The following HECA variants were observed in gnomAD, a reference collection of about 807,000 sequenced individuals.
The protein encoded by HECA is HECA ribonucleoprotein granule regulator.
In HECA, 13 loss-of-function variants were observed where a neutral mutation model predicts 37.6. That is an observed-to-expected ratio of 0.35 (90% CI 0.23 to 0.55). HECA has a LOEUF of 0.55. Ranked by LOEUF, HECA falls within the 20% of genes least tolerant of loss-of-function variation. The pLI is 0.90. For missense variants in HECA, 527 were observed against 701.9 expected (o/e 0.75, Z 2.82); for synonymous variants, 307 against 291.5 (o/e 1.05, Z -0.54).
chr6:139,147,155 C>G (rs1382382444), intron 1 of HECA, among the ~76,000 whole-genome samples: 5 of 152,138 alleles, frequency 3.3e-5, no homozygotes, highest in South Asian at 4.1e-4. Flanking sequence ...GGAAGTGTGC[C>G]TGACCCCCAT....
At position 139,167,191 on chromosome 6, in the gene HECA, A is replaced by T. The variant is rs1275612796; in HGVS notation, c.1179A>T (p.Arg393Ser). The T allele has an allele frequency of 1.2e-6, 2 of 1,614,034 alleles. No individual in the cohort carries two copies. The highest frequency in any genetic ancestry group is 2.7e-5 in the African/African-American group (2 of 74,906). The change falls in exon 2 of 4, where the codon AGA (arginine) becomes AGT (serine). Residue 393 changes from arginine to serine, a missense_variant. Physicochemically the swap from Arg to Ser is moderately radical, Grantham distance 110. This residue lies in a region of HECA where 106 missense variants were observed against 193.4 expected (regional missense o/e 0.55). Transcript: ENST00000367658. ...TGGCCGCGCTCAGTGCCAGCCACAGAAACGTGGTAAACTGTGCCCTGTGCC... is the reference window on the plus strand; with the variant it reads ...TGGCCGCGCTCAGTGCCAGCCACAGTAACGTGGTAAACTGTGCCCTGTGCC... ...FILAALSASH[R>S]NVVNCALCHR...
At chr6:139,159,071 C>G (rs1774759265) in intron 1 of HECA, 1 of 151,696 alleles carries the variant, frequency 6.6e-6, no homozygotes, top group Non-Finnish European at 1.5e-5. Context: ...GAAACTCCCT[C>G]TCAAAAAAAA....
intron 1 of HECA, among the ~76,000 whole-genome samples, chr6:139,156,731 C>T (rs1232239553): frequency 1.3e-5 from 2 of 152,208 alleles, no homozygotes; most frequent in Non-Finnish European, 2.9e-5. Context: ...TGTCTGTGTT[C>T]TGAGTGTGCA....
chr6:139,152,772 T>C (rs1030767286), intron 1 of HECA, among the ~76,000 whole-genome samples: 11 of 152,344 alleles, frequency 7.2e-5, no homozygotes, highest in Non-Finnish European at 1.3e-4. Flanking sequence ...CTTAAAAATA[T>C]TTGAGGAAAT....
At chr6:139,151,686 G>A (rs928142981) in intron 1 of HECA, among the ~76,000 whole-genome samples, 3 of 152,176 alleles carry the variant, frequency 2.0e-5, no homozygotes, top group African/African-American at 4.8e-5. Context: ...CTTTTTTAAC[G>A]TGGTCACTTA....
intron 1 of HECA, among the ~76,000 whole-genome samples, chr6:139,163,145 G>T (rs1304694798): frequency 6.6e-6 from 1 of 152,194 alleles, no homozygotes; most frequent in Admixed American, 6.5e-5. Flanking sequence ...AACTCGGGGT[G>T]ATTTTACCCC....
intron 1 of HECA, among the ~76,000 whole-genome samples, chr6:139,151,544 T>G (rs1302767177): frequency 1.3e-5 from 2 of 152,210 alleles, no homozygotes; most frequent in Non-Finnish European, 2.9e-5. Flanking sequence ...TTTACATTCT[T>G]TCAAAGGAAA....
chr6:139,135,930 C>T (rs1304692444), intron 1 of HECA, among the ~76,000 whole-genome samples: 2 of 151,884 alleles, frequency 1.3e-5, no homozygotes, highest in African/African-American at 4.8e-5. Flanking sequence ...CAGCGCTGCC[C>T]TCGGGCCCAG....
At chr6:139,141,378 T>C (rs1774510768) in intron 1 of HECA, among the ~76,000 whole-genome samples, 1 of 152,254 alleles carries the variant, frequency 6.6e-6, no homozygotes, top group South Asian at 2.1e-4. Context: ...GTGGACATTT[T>C]AGCAGAGCAG....
chr6:139,151,838 G>A (rs879007521), intron 1 of HECA, among the ~76,000 whole-genome samples: 2 of 152,104 alleles, frequency 1.3e-5, no homozygotes, highest in Admixed American at 6.5e-5. Flanking sequence ...ATCTGGTTAC[G>A]CAAAGCTGTG....
At chr6:139,152,039 A>G (rs1047337785) in intron 1 of HECA, among the ~76,000 whole-genome samples, 3 of 152,214 alleles carry the variant, frequency 2.0e-5, no homozygotes, top group African/African-American at 7.2e-5. Flanking sequence ...CTATTCTGTG[A>G]AACTTTGATA....
At chr6:139,157,208 G>A (rs1774729470) in intron 1 of HECA, among the ~76,000 whole-genome samples, 1 of 152,174 alleles carries the variant, frequency 6.6e-6, no homozygotes. Context: ...GTGGAGCAGT[G>A]AGAATGACCA....
chr6:139,167,476 C>T (rs1774907784), intron 2 of HECA, 152 bp downstream of exon 2: 11 of 678,154 alleles, frequency 1.6e-5, no homozygotes, highest in Non-Finnish European at 2.7e-5. Context: ...CAGCTTCGCC[C>T]AGTGACGCGG....
At chr6:139,148,252 A>G (rs139541629) in intron 1 of HECA, among the ~76,000 whole-genome samples, 192 of 152,288 alleles carry the variant, frequency 1.3e-3, no homozygotes, top group Non-Finnish European at 2.4e-3. Flanking sequence ...CTGGTTAGAA[A>G]TTTTACAGTT....
At chr6:139,150,786 G>A (rs1774641056) in intron 1 of HECA, among the ~76,000 whole-genome samples, 1 of 152,098 alleles carries the variant, frequency 6.6e-6, no homozygotes, top group Non-Finnish European at 1.5e-5. Context: ...ACAAAAGTTA[G>A]TAATTGGAAA....
At chr6:139,162,128 G>T (rs953330906) in intron 1 of HECA, among the ~76,000 whole-genome samples, 2 of 152,290 alleles carry the variant, frequency 1.3e-5, no homozygotes, top group South Asian at 2.1e-4. Flanking sequence ...TGAGTAAGAG[G>T]CTTCCTCTCC....
intron 1 of HECA, among the ~76,000 whole-genome samples, chr6:139,164,067 A>AAC (rs1482663941): frequency 9.3e-5 from 11 of 118,134 alleles, no homozygotes; most frequent in South Asian, 2.5e-4. Context: ...CACACACACA[A>AAC]ACACACACAC....
chr6:139,159,644 CCTCT>C (rs1295733848), intron 1 of HECA, among the ~76,000 whole-genome samples: 1 of 152,094 alleles, frequency 6.6e-6, no homozygotes, highest in Non-Finnish European at 1.5e-5. Flanking sequence ...ATGGGTTCAC[CCTCT>C]CTCTATTACT....
In HECA at chr6:139,166,303, C is replaced by T; in HGVS notation, c.291C>T (p.Pro97=). 6.2e-7 allele frequency: 1 copy of T among 1,608,738 alleles called. No individual in the cohort carries two copies. The change falls in exon 2 of 4, where the codon CCC becomes CCT. Residue 97 remains proline, a synonymous_variant. Transcript: ENST00000367658. ...DAKNEAPCAT[P]LICSFGRPVD... Reference sequence around the variant, plus strand: ...CCCCAGAAGCCCCATGTGCCACTCCCCTGATCTGCAGCTTCGGTAGGCCGG... The same window carrying T: ...CCCCAGAAGCCCCATGTGCCACTCCTCTGATCTGCAGCTTCGGTAGGCCGG...
Sources: allele counts gnomAD v4.1 joint callset (sites outside exome capture counted in the v4.1 genomes callset), GRCh38; gene constraint gnomAD v4.1.1; regional missense constraint gnomAD v4.1.1; transcripts MANE v1.5; gene names NCBI Gene and HGNC (gene_info 2026-07-23, HGNC 2026-07-21).